CAMTA1: variants seen among roughly 807,000 people sequenced by gnomAD.
The protein encoded by CAMTA1 is calmodulin-binding transcription activator 1.
CAMTA1 carries 27 observed loss-of-function variants against 170.9 expected under a neutral mutation model. That is an observed-to-expected ratio of 0.16 (90% confidence interval 0.12 to 0.22). The LOEUF (loss-of-function observed/expected upper bound fraction) is 0.22. Ranked by LOEUF, CAMTA1 falls within the 10% of genes least tolerant of loss-of-function variation. The pLI, the probability that CAMTA1 is intolerant of heterozygous loss-of-function variation, is 1.00. For synonymous variants in CAMTA1, 833 were observed against 891.5 expected, an observed-to-expected ratio of 0.93 and a Z score of 1.17; for missense variants, 1,619 against 2,217.2, an observed-to-expected ratio of 0.73 and a Z score of 5.42.
Position 7,286,651 on chromosome 1 carries a change from G to A in CAMTA1, c.438+37025G>A, listed in dbSNP as rs1672388011. ...TTTGGAGCTGCTGGGCTAGAGTACA[G>A]GTGTCGTATCTCAGAGCATGTTAGG... is the stretch of plus-strand genomic sequence containing the variant. On this transcript the variant is annotated intron_variant, in intron 5 of 22. Transcript: ENST00000303635. This position sits in a 1 kb window ranked among gnomAD's most constrained non-coding sequence, Gnocchi z 4.2. Among the ~76,000 whole-genome samples, 1 of 152,300 alleles carries A rather than the reference G, an allele frequency of 6.6e-6. No individual in the cohort carries two copies. Among genetic ancestry groups the A allele is most frequent in the East Asian group, 1.9e-4 (1 of 5,174 alleles).
chr1:7,361,005 G>A (rs377046418), intron 5 of CAMTA1, among the ~76,000 whole-genome samples: 1 of 152,160 alleles, frequency 6.6e-6, no homozygotes, highest in African/African-American at 2.4e-5. Flanking sequence ...CCTGGAAAAC[G>A]GGGCTGTGGG....
intron 6 of CAMTA1, among the ~76,000 whole-genome samples, chr1:7,538,854 TTC>T (rs2094577827): frequency 6.6e-6 from 1 of 152,194 alleles, no homozygotes; most frequent in Non-Finnish European, 1.5e-5. Flanking sequence ...GAACCCACCT[TTC>T]TACTTTGACA....
At chr1:7,389,715 C>T (rs1031595452) in intron 5 of CAMTA1, 2 of 152,588 alleles carry the variant, frequency 1.3e-5, no homozygotes, top group African/African-American at 4.8e-5. Flanking sequence ...TAGGAGGTGA[C>T]TAAAGGCCTT....
chr1:7,166,808 G>GTT (rs148558785), intron 4 of CAMTA1, among the ~76,000 whole-genome samples: 30 of 138,872 alleles, frequency 2.2e-4, no homozygotes, highest in African/African-American at 2.6e-4. Flanking sequence ...TTTTGATGCA[G>GTT]TTTTTTTTTT....
intron 6 of CAMTA1, among the ~76,000 whole-genome samples, chr1:7,604,273 T>G (rs1417220773): frequency 6.6e-6 from 1 of 152,212 alleles, no homozygotes; most frequent in African/African-American, 2.4e-5. Flanking sequence ...TATCCTGCAG[T>G]GTTTTCCAAC....
chr1:7,151,411 C>T (rs1646570623), intron 4 of CAMTA1, among the ~76,000 whole-genome samples: 1 of 152,214 alleles, frequency 6.6e-6, no homozygotes, highest in Non-Finnish European at 1.5e-5. Context: ...AGCGAGGCTG[C>T]CTGGCCCTTG....
At position 7,661,768 on chromosome 1, in the gene CAMTA1, C is replaced by T; in HGVS notation, c.707C>T (p.Ser236Leu). ...KWTCSNGNSSSGFSVEQLVQQ... is the reference protein window; with the variant it reads ...KWTCSNGNSSLGFSVEQLVQQ... ...ACCTGCAGCAATGGGAACAGCAGCT[C>T]AGGCTTCTCGGTGGAACAGCTGGTG... Residue 236 changes from serine to leucine, a missense_variant, in exon 8 of 23, where the codon TCA (serine) becomes TTA (leucine). By Grantham distance (145) the Ser-to-Leu change is moderately radical. This residue lies in a region of CAMTA1 where 731 missense variants were observed against 907.6 expected (regional missense o/e 0.81). Transcript: ENST00000303635. The T allele has an allele frequency of 6.2e-7, 1 of 1,614,036 alleles. No homozygotes were observed. The highest frequency in any genetic ancestry group is 1.3e-5 in the African/African-American group (1 of 75,038).
At chr1:6,844,575 A>C (rs1657234433) in intron 3 of CAMTA1, among the ~76,000 whole-genome samples, 1 of 150,600 alleles carries the variant, frequency 6.6e-6, no homozygotes, top group Non-Finnish European at 1.5e-5. Flanking sequence ...AGTCCCAGCT[A>C]CTTGGGAGCC....
intron 4 of CAMTA1, among the ~76,000 whole-genome samples, chr1:7,221,305 C>T (rs950848695): frequency 2.0e-5 from 3 of 152,032 alleles, no homozygotes; most frequent in Admixed American, 2.0e-4. Flanking sequence ...TTCATTCACT[C>T]AAGCACTTGA....
chr1:7,579,552 CTTTT>C (rs3034816), intron 6 of CAMTA1, among the ~76,000 whole-genome samples: 1,530 of 79,068 alleles, frequency 0.019, 18 homozygotes, highest in African/African-American at 0.085. Context: ...CTTTTCTTTT[CTTTT>C]TTTTTTTTTT....
chr1:7,109,578 G>C (rs1396942874), intron 4 of CAMTA1, among the ~76,000 whole-genome samples: 2 of 152,122 alleles, frequency 1.3e-5, no homozygotes, highest in Admixed American at 6.5e-5. Context: ...TCCTAACACA[G>C]CTCTCGTTTC....
intron 4 of CAMTA1, among the ~76,000 whole-genome samples, chr1:7,209,688 G>A (rs1295444481): frequency 6.6e-6 from 1 of 152,164 alleles, no homozygotes; most frequent in Non-Finnish European, 1.5e-5. Flanking sequence ...CTTGAATGTT[G>A]ACACTCCAGG....
At chr1:7,015,411 G>A (rs1700390340) in intron 3 of CAMTA1, among the ~76,000 whole-genome samples, 1 of 152,160 alleles carries the variant, frequency 6.6e-6, no homozygotes, top group Non-Finnish European at 1.5e-5. Context: ...GGTCCTGTGT[G>A]TCTTCAGGGT....
intron 4 of CAMTA1, among the ~76,000 whole-genome samples, chr1:7,178,198 G>A (rs1651357513): frequency 6.6e-6 from 1 of 152,178 alleles, no homozygotes; most frequent in South Asian, 2.1e-4. Context: ...TGTGCTCAGG[G>A]CTGCCAGAAC....
At chr1:7,474,920 G>GGTGAGCT (rs2093395951) in intron 6 of CAMTA1, among the ~76,000 whole-genome samples, 1 of 152,162 alleles carries the variant, frequency 6.6e-6, no homozygotes, top group African/African-American at 2.4e-5. Flanking sequence ...CTGCCCTGGC[G>GGTGAGCT]GTGAGCTGTG....
chr1:7,446,833 C>T (rs1471798697), intron 5 of CAMTA1, among the ~76,000 whole-genome samples: 2 of 152,196 alleles, frequency 1.3e-5, no homozygotes, highest in Admixed American at 6.5e-5. Flanking sequence ...CCCTGGGGTT[C>T]TGTGGAACTG....
intron 4 of CAMTA1, among the ~76,000 whole-genome samples, chr1:7,160,369 G>C (rs942494204): frequency 1.3e-5 from 2 of 151,988 alleles, no homozygotes; most frequent in African/African-American, 4.8e-5. Context: ...TCTTTACCTT[G>C]TCACCTGGCC....
intron 1 of CAMTA1, among the ~76,000 whole-genome samples, chr1:6,806,024 C>T (rs1321468571): frequency 1.3e-5 from 2 of 152,056 alleles, no homozygotes; most frequent in African/African-American, 4.8e-5. Flanking sequence ...GATAGATCTT[C>T]AGTTAATTTT....
chr1:7,433,873 G>A (rs1575299950), intron 5 of CAMTA1, among the ~76,000 whole-genome samples: 1 of 152,202 alleles, frequency 6.6e-6, no homozygotes, highest in South Asian at 2.1e-4. Flanking sequence ...AGACTCATGG[G>A]GCCAGGACAG....
Sources: gnomAD v4.1 joint callset for allele counts (sites outside exome capture counted in the v4.1 genomes callset) on GRCh38, gnomAD v4.1.1 for gene constraint, gnomAD v4.1.1 regional missense constraint, Gnocchi (gnomAD v3.1) non-coding constraint, MANE v1.5 for transcripts, NCBI Gene and HGNC (gene_info 2026-07-23, HGNC 2026-07-21) for gene names.